The following ADGRG6 variants were observed in gnomAD, a reference collection of about 807,000 sequenced individuals.
The protein encoded by ADGRG6 is G-protein coupled receptor 126.
ADGRG6 carries 84 observed loss-of-function variants against 142.4 expected under a neutral mutation model. The observed-to-expected ratio is 0.59, with a 90% CI of 0.49 to 0.71. The LOEUF (loss-of-function observed/expected upper bound fraction) is 0.71. Ranked by LOEUF, ADGRG6 falls within the 30% of genes least tolerant of loss-of-function variation. ADGRG6 has a pLI of 0.00. For missense variants in ADGRG6, 1,367 were observed against 1,466.6 expected, an observed-to-expected ratio of 0.93 and a Z score of 1.11; for synonymous variants, 521 against 520.5, an observed-to-expected ratio of 1.00 and a Z score of -0.01.
At chr6:142,332,094 G>A (rs1779090763) in intron 2 of ADGRG6, among the ~76,000 whole-genome samples, 1 of 152,024 alleles carries the variant, frequency 6.6e-6, no homozygotes, top group South Asian at 2.1e-4. Context: ...TATAAATATA[G>A]GAATGGCTCA....
At chr6:142,389,770 G>A (rs1238156237) in intron 6 of ADGRG6, among the ~76,000 whole-genome samples, 1 of 151,818 alleles carries the variant, frequency 6.6e-6, no homozygotes, top group Non-Finnish European at 1.5e-5. Flanking sequence ...GGGAAAGAGA[G>A]GAAAAGGAGA....
intron 7 of ADGRG6, 133 bp downstream of exon 7, chr6:142,390,476 T>C (rs1166798875): frequency 8.2e-6 from 4 of 487,430 alleles, no homozygotes; most frequent in Non-Finnish European, 1.1e-5. Context: ...TGAGTAGATA[T>C]GTAAGTGAGG....
At chr6:142,443,285 AGG>A in intron 24 of ADGRG6, 50 bp from the exon 25 acceptor site, 2 of 1,204,724 alleles carry the variant, frequency 1.7e-6, no homozygotes, top group Non-Finnish European at 2.4e-6. Context: ...GGTGGCCTGT[AGG>A]CATGCCACCA....
At chr6:142,373,890 T>C (rs1781373894) in intron 4 of ADGRG6, among the ~76,000 whole-genome samples, 1 of 143,974 alleles carries the variant, frequency 6.9e-6, no homozygotes, top group South Asian at 2.2e-4. Context: ...TCTTTTTTTT[T>C]TTTTTTTTTT....
chr6:142,373,881 C>CTTTTTTTT (rs769498618), intron 4 of ADGRG6, among the ~76,000 whole-genome samples: 16 of 93,848 alleles, frequency 1.7e-4, no homozygotes, highest in African/African-American at 6.7e-4. Flanking sequence ...TTTTTCTTTT[C>CTTTTTTTT]TTTTTTTTTT....
intron 22 of ADGRG6, among the ~76,000 whole-genome samples, chr6:142,423,622 C>G (rs1418709315): frequency 7.1e-6 from 1 of 141,382 alleles, no homozygotes; most frequent in Admixed American, 7.2e-5. Flanking sequence ...CAGCTTTGTT[C>G]TTTTGGCTTA....
At chr6:142,373,491 G>A (rs1007892894) in intron 4 of ADGRG6, among the ~76,000 whole-genome samples, 1 of 152,216 alleles carries the variant, frequency 6.6e-6, no homozygotes, top group Non-Finnish European at 1.5e-5. Flanking sequence ...AATTTCTCTA[G>A]ACCAGAGGTT....
rs1476382748 is a variant in ADGRG6 at position 142,445,802 on chromosome 6, A to G, written c.*2287A>G. 1 of 152,136 alleles carries G rather than the reference A, an allele frequency of 6.6e-6. No homozygotes were observed. The highest frequency in any genetic ancestry group is 1.9e-4 in the East Asian group (1 of 5,194). The allele number at this position is 152,136 out of a possible 1,614,324, so 9.4% of individuals were successfully genotyped here. ...AAATTTAGTTCAGCTTACCTTTGAG[A>G]ATAGCATCAATTCAGACTCTCTTTT... On this transcript the variant is annotated 3_prime_UTR_variant, in exon 25 of 25. Transcript: ENST00000367609.
In ADGRG6 at chr6:142,445,706, C is replaced by G. The variant is rs1217509511; in HGVS notation, c.*2191C>G. 1.3e-5 allele frequency: 2 copies of G among 152,160 alleles called. No individual in the cohort carries two copies. Among genetic ancestry groups the G allele is most frequent in the African/African-American group, 4.8e-5 (2 of 41,458 alleles). 9.4% of individuals were successfully genotyped at this position (152,160 alleles called of 1,614,324 possible). ...ATTGAGCCAAATTCTGTTGTCAGTTCTAAGCATGCAGTTCTCACCTCCATT... is the reference window on the plus strand; with the variant it reads ...ATTGAGCCAAATTCTGTTGTCAGTTGTAAGCATGCAGTTCTCACCTCCATT... On this transcript the variant is annotated 3_prime_UTR_variant, in exon 25 of 25. Coordinates refer to ENST00000367609, the MANE Select transcript of ADGRG6 (RefSeq NM_198569.3).
chr6:142,432,399 A>G (rs1777255966), intron 22 of ADGRG6, among the ~76,000 whole-genome samples: 1 of 152,202 alleles, frequency 6.6e-6, no homozygotes, highest in South Asian at 2.1e-4. Flanking sequence ...ATAGAAATGA[A>G]TCTCAAGATT....
At chr6:142,382,604 ATAAT>A (rs774148098) in intron 5 of ADGRG6, among the ~76,000 whole-genome samples, 12 of 152,248 alleles carry the variant, frequency 7.9e-5, no homozygotes, top group South Asian at 2.1e-4. Context: ...TAAATAATAC[ATAAT>A]TAAAGTTATA....
chr6:142,353,593 CT>C (rs1302536482), intron 2 of ADGRG6, among the ~76,000 whole-genome samples: 3 of 152,186 alleles, frequency 2.0e-5, no homozygotes, highest in African/African-American at 7.2e-5. Context: ...ATTTGATGTA[CT>C]TTTTAAATTA....
At chr6:142,359,783 G>A (rs1780629270) in intron 2 of ADGRG6, among the ~76,000 whole-genome samples, 1 of 152,164 alleles carries the variant, frequency 6.6e-6, no homozygotes, top group South Asian at 2.1e-4. Context: ...CGGGGATGTG[G>A]GGAGATGAGA....
intron 6 of ADGRG6, among the ~76,000 whole-genome samples, chr6:142,387,020 CTCA>C (rs1483726295): frequency 2.0e-5 from 3 of 152,184 alleles, no homozygotes; most frequent in Non-Finnish European, 4.4e-5. Context: ...GAGTCGTCTC[CTCA>C]TCAACTTTGT....
chr6:142,403,738 A>G, intron 13 of ADGRG6, 64 bp from the exon 14 acceptor site: 4 of 1,033,406 alleles, frequency 3.9e-6, no homozygotes, highest in East Asian at 2.6e-5. Flanking sequence ...GCAGCAAAAC[A>G]TGTATGTTTA....
At chr6:142,329,618 T>C (rs971676978) in intron 2 of ADGRG6, among the ~76,000 whole-genome samples, 47 of 152,266 alleles carry the variant, frequency 3.1e-4, no homozygotes, top group African/African-American at 1.1e-3. Flanking sequence ...CCTTAGTGAA[T>C]AATCATTGTT....
chr6:142,387,308 G>A (rs1782079733), intron 6 of ADGRG6, among the ~76,000 whole-genome samples: 1 of 152,134 alleles, frequency 6.6e-6, no homozygotes, highest in African/African-American at 2.4e-5. Context: ...CCCAAGTAAG[G>A]AATTAACTCC....
In ADGRG6 at chr6:142,370,522, A is replaced by G. The variant is rs1443084646; in HGVS notation, c.798A>G (p.Val266=). 2 of 1,613,566 alleles carry G rather than the reference A, an allele frequency of 1.2e-6. No individual in the cohort carries two copies. The highest frequency in any genetic ancestry group is 1.3e-5 in the African/African-American group (1 of 74,940). Residue 266 remains valine, a synonymous_variant, in exon 4 of 25, where the codon GTA becomes GTG. Coordinates refer to ENST00000367609, the MANE Select transcript of ADGRG6 (RefSeq NM_198569.3). The part of the protein sequence containing the change: ...VWNNSLGSIG[V]NFKRNYETVP... ...ATAATTCTTTGGGCTCTATTGGTGT[A>G]AATTTCAAAAGAAACTATGAAACAG...
intron 1 of ADGRG6, among the ~76,000 whole-genome samples, chr6:142,307,100 C>G (rs1456533626): frequency 6.6e-6 from 1 of 152,054 alleles, no homozygotes; most frequent in East Asian, 1.9e-4. Flanking sequence ...AAAGAAGTTG[C>G]CTGAGCGCAT....
Sources: allele counts gnomAD v4.1 joint callset (sites outside exome capture counted in the v4.1 genomes callset), GRCh38; gene constraint gnomAD v4.1.1; transcripts MANE v1.5; gene names NCBI Gene and HGNC (gene_info 2026-07-23, HGNC 2026-07-21).